TRHDE: variants seen among roughly 807,000 people sequenced by gnomAD.
TRHDE encodes the protein thyrotropin releasing hormone degrading enzyme, also known as thyrotropin-releasing hormone-degrading ectoenzyme.
Under a neutral mutation model 125.7 loss-of-function variants are expected in TRHDE, and 72 were observed. The ratio of observed to expected loss-of-function variants is 0.57; its 90% confidence interval spans 0.47 to 0.70. The LOEUF (loss-of-function observed/expected upper bound fraction) is 0.70. Ranked by LOEUF, TRHDE falls within the 30% of genes least tolerant of loss-of-function variation. The pLI is 0.00. For missense variants in TRHDE, 1,110 were observed against 1,327.1 expected (o/e 0.84, Z 2.54); for synonymous variants, 509 against 509.1 (o/e 1.00, Z 0.00).
intron 2 of TRHDE, among the ~76,000 whole-genome samples, chr12:72,315,356 G>A (rs1005512851): frequency 6.7e-6 from 1 of 150,300 alleles, no homozygotes; most frequent in Non-Finnish European, 1.5e-5. Context: ...GTTCCTCAAG[G>A]TGGCAATATT....
chr12:72,339,840 G>A (rs1400779497), intron 2 of TRHDE, among the ~76,000 whole-genome samples: 2 of 152,128 alleles, frequency 1.3e-5, no homozygotes, highest in African/African-American at 4.8e-5. Flanking sequence ...TTCTCCACTG[G>A]AAATTGCCCT....
chr12:72,207,026 G>A (rs1219013086), intron 2 of TRHDE, among the ~76,000 whole-genome samples: 3 of 152,056 alleles, frequency 2.0e-5, no homozygotes, highest in African/African-American at 7.2e-5. Flanking sequence ...TATACACTAA[G>A]GTTCTCAACA....
rs1877145305 is a variant in TRHDE at position 72,183,752 on chromosome 12, CA to C, written n.279+78003del. Among the ~76,000 whole-genome samples, 3 of 152,128 alleles carry C rather than the reference CA, an allele frequency of 2.0e-5. No individual in the cohort carries two copies. The East Asian group carries it at 5.8e-4, about 29-fold the overall frequency. ...GACTAAAGCATACAGAAGTGGTGCC[CA>C]AACCCCAGTTAAAACTTTGCACAGT... is the stretch of plus-strand genomic sequence containing the variant. On this transcript the variant is annotated intron_variant and non_coding_transcript_variant, in intron 2 of 4. Transcript: ENST00000548156.
chr12:72,571,974 AACACACACACACACACAC>A (rs59206098), intron 10 of TRHDE, among the ~76,000 whole-genome samples: 40 of 127,516 alleles, frequency 3.1e-4, no homozygotes, highest in African/African-American at 1.1e-3. Context: ...TGACTCTGCA[AACACACACACACACACAC>A]ACACACACAC....
At chr12:72,419,147 C>T (rs1479161563) in intron 3 of TRHDE, among the ~76,000 whole-genome samples, 2 of 152,112 alleles carry the variant, frequency 1.3e-5, no homozygotes, top group Non-Finnish European at 2.9e-5. Context: ...AAGATGGAGA[C>T]TCAAGAGTGA....
chr12:72,088,055 G>A (rs778592839), intron 1 of TRHDE, among the ~76,000 whole-genome samples: 1 of 152,168 alleles, frequency 6.6e-6, no homozygotes, highest in Non-Finnish European at 1.5e-5. Context: ...TGGTGGAAAT[G>A]ATGGAGAAGG....
At chr12:72,519,648 A>G (rs1197433093) in intron 6 of TRHDE, among the ~76,000 whole-genome samples, 7 of 152,214 alleles carry the variant, frequency 4.6e-5, no homozygotes, top group South Asian at 4.1e-4. Flanking sequence ...TCAGCTCGTC[A>G]AAGTCATTCT....
chr12:72,195,031 T>C (rs1877411906), intron 2 of TRHDE, among the ~76,000 whole-genome samples: 1 of 152,016 alleles, frequency 6.6e-6, no homozygotes, highest in African/African-American at 2.4e-5. Flanking sequence ...ACAATCATGG[T>C]GGAAGGGGAA....
intron 2 of TRHDE, among the ~76,000 whole-genome samples, chr12:72,342,181 C>T (rs903399471): frequency 1.3e-5 from 2 of 152,062 alleles, no homozygotes; most frequent in Non-Finnish European, 2.9e-5. Context: ...TGATTCTATT[C>T]ACTCATTTTT....
intron 15 of TRHDE, 21 bp from the exon 16 acceptor site, chr12:72,652,301 C>T (rs777835980): frequency 7.2e-7 from 1 of 1,391,912 alleles, no homozygotes; most frequent in Non-Finnish European, 9.4e-7. Context: ...AACAGAAAAC[C>T]ACCATGGGTT....
intron 2 of TRHDE, among the ~76,000 whole-genome samples, chr12:72,145,706 G>A (rs1041144401): frequency 1.4e-4 from 21 of 152,142 alleles, no homozygotes; most frequent in East Asian, 7.7e-4. Flanking sequence ...GACCCATTTC[G>A]TTTTGTTTTC....
intron 2 of TRHDE, among the ~76,000 whole-genome samples, chr12:72,225,325 A>G (rs1878107690): frequency 6.6e-6 from 1 of 152,202 alleles, no homozygotes. Flanking sequence ...CCCTCTAACC[A>G]AGTGAATTGC....
chr12:72,118,101 A>G (rs1875491692), intron 2 of TRHDE, among the ~76,000 whole-genome samples: 1 of 152,050 alleles, frequency 6.6e-6, no homozygotes, highest in African/African-American at 2.4e-5. Flanking sequence ...TTCTAGTACT[A>G]TGTTTAGTAA....
intron 1 of TRHDE, among the ~76,000 whole-genome samples, chr12:72,276,743 T>A (rs1443015259): frequency 2.0e-5 from 3 of 152,204 alleles, no homozygotes; most frequent in Non-Finnish European, 4.4e-5. Flanking sequence ...ACTACAGTTG[T>A]TGAACATTGA....
intron 3 of TRHDE, among the ~76,000 whole-genome samples, chr12:72,467,746 C>T (rs1006573390): frequency 1.3e-5 from 2 of 152,098 alleles, no homozygotes; most frequent in African/African-American, 4.8e-5. Flanking sequence ...ACCCGGGAGG[C>T]GGAGGTTGCG....
At chr12:72,142,074 G>GA (rs199924798) in intron 2 of TRHDE, among the ~76,000 whole-genome samples, 11,167 of 122,236 alleles carry the variant, frequency 0.091, 697 homozygotes, top group African/African-American at 0.19. Context: ...TGCTCCACCA[G>GA]AAAAAAAAAA....
chr12:72,351,012 C>T (rs1870557398), intron 2 of TRHDE, among the ~76,000 whole-genome samples: 1 of 151,974 alleles, frequency 6.6e-6, no homozygotes, highest in South Asian at 2.1e-4. Context: ...TAGCAAAAAT[C>T]TTTAAATGTG....
chr12:72,210,522 GATA>G (rs1176684215), intron 2 of TRHDE, among the ~76,000 whole-genome samples: 1 of 152,068 alleles, frequency 6.6e-6, no homozygotes, highest in Non-Finnish European at 1.5e-5. Flanking sequence ...TGTGTTAATG[GATA>G]ATATTTTTAA....
chr12:72,329,397 T>C (rs1006134143), intron 2 of TRHDE, among the ~76,000 whole-genome samples: 2 of 152,198 alleles, frequency 1.3e-5, no homozygotes, highest in African/African-American at 4.8e-5. Context: ...ATCAGGTATA[T>C]TTAGAGCAGA....
Sources: gnomAD v4.1 joint callset for allele counts (sites outside exome capture counted in the v4.1 genomes callset) on GRCh38, gnomAD v4.1.1 for gene constraint, MANE v1.5 for transcripts, NCBI Gene and HGNC (gene_info 2026-07-23, HGNC 2026-07-21) for gene names.